Variants in ST14 observed in about 807,000 individuals in gnomAD.
The protein encoded by ST14 is suppressor of tumorigenicity 14 protein.
In ST14, 40 loss-of-function variants were observed where a neutral mutation model predicts 96.5. The ratio of observed to expected loss-of-function variants is 0.41; its 90% confidence interval spans 0.32 to 0.54. The LOEUF is 0.54. Ranked by LOEUF, ST14 falls within the 20% of genes least tolerant of loss-of-function variation. The pLI is 0.17. For synonymous variants in ST14, 506 were observed against 492.1 expected (o/e 1.03, Z -0.37); for missense variants, 1,066 against 1,188.9 (o/e 0.90, Z 1.52).
rs1056166930 is a variant in ST14, at chr11:130,188,484, G to C, written c.242-46G>C. 6.2e-7 allele frequency: 1 copy of C among 1,610,408 alleles called. No homozygotes were observed. On this transcript the variant is annotated intron_variant, in intron 2 of 18. Transcript: ENST00000278742. The surrounding 1 kb of genome is among the most constrained non-coding windows in gnomAD (Gnocchi z 5.4). The stretch of plus-strand genomic sequence containing the variant: ...ATTGTGGACGGCGAGGGACAGGCGG[G>C]GGTGGTACCACCTCCCCTGACTGAG...
chr11:130,165,028 C>T (rs918984236), intron 1 of ST14, among the ~76,000 whole-genome samples: 30 of 152,286 alleles, frequency 2.0e-4, no homozygotes, highest in East Asian at 1.9e-4. Flanking sequence ...TGAGCCACCA[C>T]GCCCGGCCCA....
chr11:130,207,464 T>A (rs967637682), intron 16 of ST14, among the ~76,000 whole-genome samples: 1 of 152,200 alleles, frequency 6.6e-6, no homozygotes. Context: ...GGCAGGAGAA[T>A]CGCTTGAACC....
chr11:130,197,855 T>C lies in ST14; in HGVS notation c.1369T>C (p.Phe457Leu). 1 of 1,583,656 alleles carries C rather than the reference T, an allele frequency of 6.3e-7. No individual in the cohort carries two copies. The highest frequency in any genetic ancestry group is 8.6e-7 in the Non-Finnish European group (1 of 1,168,788). ...TGTGCCCGCAGCATGCCCGGGGCAGTTCACGTGCCGCACGGGGCGGTGTAT... is the reference window on the plus strand; with the variant it reads ...TGTGCCCGCAGCATGCCCGGGGCAGCTCACGTGCCGCACGGGGCGGTGTAT... ...YDSSDPCPGQFTCRTGRCIRK... is the reference protein window; with the variant it reads ...YDSSDPCPGQLTCRTGRCIRK... The change falls in exon 12 of 19, where the codon TTC becomes CTC. Residue 457 changes from phenylalanine to leucine, a missense_variant. Coordinates refer to ENST00000278742, the MANE Select transcript of ST14 (RefSeq NM_021978.4).
At chr11:130,198,851 A>C in intron 14 of ST14, 96 bp from the exon 15 acceptor site, 1 of 1,607,142 alleles carries the variant, frequency 6.2e-7, no homozygotes, top group South Asian at 1.1e-5. Context: ...TGAGGGGGTA[A>C]TGTGCAGGGG....
rs1591887921 is a variant in ST14 at position 130,190,354 on chromosome 11, G to T, written c.635-100G>T. ...CAGGGCAGCCTGGGGCGTCTCGAAGGGGCGAGGCCTGAGGTCCACACCCAC... is the reference window on the plus strand; with the variant it reads ...CAGGGCAGCCTGGGGCGTCTCGAAGTGGCGAGGCCTGAGGTCCACACCCAC... On this transcript the variant is annotated intron_variant, in intron 6 of 18. Transcript: ENST00000278742. 9 of 1,572,438 alleles carry T rather than the reference G, an allele frequency of 5.7e-6. No individual in the cohort carries two copies. In the East Asian group the frequency reaches 2.0e-4, roughly 35 times the overall value.
intron 7 of ST14, among the ~76,000 whole-genome samples, chr11:130,192,723 T>C (rs1238039545): frequency 2.0e-5 from 3 of 152,186 alleles, no homozygotes; most frequent in African/African-American, 7.2e-5. Context: ...CCAGCCTTTT[T>C]TGCTGTGTGT....
chr11:130,171,050 T>C (rs928257725), intron 1 of ST14, among the ~76,000 whole-genome samples: 1 of 152,204 alleles, frequency 6.6e-6, no homozygotes, highest in Non-Finnish European at 1.5e-5. Flanking sequence ...CCACAGATGA[T>C]ACTGCTGTTG....
rs778245437 is a variant in ST14, at chr11:130,189,814, C to A, written c.516C>A (p.Val172=). 1 of 1,613,956 alleles carries A rather than the reference C, an allele frequency of 6.2e-7. No individual in the cohort carries two copies. The highest frequency in any genetic ancestry group is 8.5e-7 in the Non-Finnish European group (1 of 1,179,954). ...ACCTGGTGGAGGAGGCCGAGCGCGT[C>A]ATGGCCGAGGAGCGCGTAGTCATGC... is the stretch of plus-strand genomic sequence containing the variant. The part of the protein sequence containing the change: ...PQHLVEEAER[V]MAEERVVMLP... Residue 172 remains valine (V), a synonymous_variant, in exon 5 of 19, where the codon GTC becomes GTA. Transcript: ENST00000278742.
chr11:130,208,044 A>G (rs1427639245), intron 16 of ST14, among the ~76,000 whole-genome samples: 1 of 152,166 alleles, frequency 6.6e-6, no homozygotes, highest in Non-Finnish European at 1.5e-5. Flanking sequence ...ACCGCACTCC[A>G]GTCTGGGTGA....
intron 1 of ST14, among the ~76,000 whole-genome samples, chr11:130,185,960 ACC>A (rs1399467042): frequency 1.3e-5 from 2 of 152,106 alleles, no homozygotes; most frequent in Non-Finnish European, 2.9e-5. Context: ...TGCACGTGCC[ACC>A]GCGCCTGGCT....
At chr11:130,182,877 C>T (rs1953206092) in intron 1 of ST14, among the ~76,000 whole-genome samples, 1 of 151,914 alleles carries the variant, frequency 6.6e-6, no homozygotes, top group Admixed American at 6.6e-5. Flanking sequence ...TCTCGAACTC[C>T]TGACCTAGGT....
chr11:130,170,961 G>A (rs1953087034), intron 1 of ST14, among the ~76,000 whole-genome samples: 1 of 152,148 alleles, frequency 6.6e-6, no homozygotes, highest in Non-Finnish European at 1.5e-5. Flanking sequence ...ATTACAGACA[G>A]GGGCCTGTGC....
intron 17 of ST14, 63 bp downstream of exon 17, chr11:130,208,747 T>A: frequency 6.5e-7 from 1 of 1,549,562 alleles, no homozygotes; most frequent in Non-Finnish European, 8.7e-7. Context: ...AGGCCGTGTT[T>A]CCTCTGCGTG....
At chr11:130,199,820 C>T (rs373832969) in intron 15 of ST14, 131 bp from the exon 16 acceptor site, 187 of 1,113,324 alleles carry the variant, frequency 1.7e-4, no homozygotes, top group South Asian at 2.7e-4. Flanking sequence ...GCCCTGGCCA[C>T]GCCAGCAGTG....
chr11:130,161,708 G>T (rs577444204), intron 1 of ST14, among the ~76,000 whole-genome samples: 1 of 152,198 alleles, frequency 6.6e-6, no homozygotes, highest in Non-Finnish European at 1.5e-5. Flanking sequence ...CCCTTGGGCT[G>T]TTCCTTCCCC....
intron 15 of ST14, 68 bp downstream of exon 15, chr11:130,199,137 C>A: frequency 6.6e-7 from 1 of 1,525,430 alleles, no homozygotes; most frequent in Non-Finnish European, 8.9e-7. Context: ...AGAGGGTGCA[C>A]CTGGAGGTGC....
At chr11:130,200,309 G>T (rs1043190172) in intron 16 of ST14, among the ~76,000 whole-genome samples, 172 bp downstream of exon 16, 1 of 152,220 alleles carries the variant, frequency 6.6e-6, no homozygotes. Context: ...ATAAAGAAAA[G>T]AGTTTATTTG....
chr11:130,197,889 A>C lies in ST14; in HGVS notation c.1403A>C (p.Glu468Ala). The change falls in exon 12 of 19, where the codon GAG becomes GCG. Residue 468 changes from glutamate to alanine, a missense_variant. By Grantham distance (107) the Glu-to-Ala change is moderately radical. Transcript: ENST00000278742. ...TCRTGRCIRK[E>A]LRCDGWADCT... The stretch of plus-strand genomic sequence containing the variant: ...CGCACGGGGCGGTGTATCCGGAAGG[A>C]GCTGCGCTGTGATGGCTGGGCCGAC... 1 of 1,597,404 alleles carries C rather than the reference A, an allele frequency of 6.3e-7. No individual in the cohort carries two copies. The highest frequency in any genetic ancestry group is 8.5e-7 in the Non-Finnish European group (1 of 1,174,902).
Position 130,198,421 on chromosome 11 carries a change from G to T in ST14, c.1570+3G>T, listed in dbSNP as rs766509630. 4 of 1,613,966 alleles carry T rather than the reference G, an allele frequency of 2.5e-6. No homozygotes were observed. ...CAACAGCGACGAGCAGGGGTGCAGT[G>T]AGTGCTGGGGAGGGGCTGCCTGGGC... On this transcript the variant is annotated splice_donor_region_variant and intron_variant, in intron 13 of 18. Coordinates refer to ENST00000278742, the MANE Select transcript of ST14 (RefSeq NM_021978.4).
Sources: allele counts gnomAD v4.1 joint callset (sites outside exome capture counted in the v4.1 genomes callset), GRCh38; gene constraint gnomAD v4.1.1; non-coding constraint Gnocchi (gnomAD v3.1); transcripts MANE v1.5; gene names NCBI Gene and HGNC (gene_info 2026-07-23, HGNC 2026-07-21).